The following SH3BGRL2 variants were observed in gnomAD, a reference collection of about 807,000 sequenced individuals.
SH3BGRL2 encodes SH3 domain binding glutamate rich protein like 2, also known as SH3 domain-binding glutamic acid-rich-like protein 2.
In SH3BGRL2, 21 loss-of-function variants were observed where a neutral mutation model predicts 14.8. The ratio of observed to expected loss-of-function variants is 1.42; its 90% CI spans 1.01 to 2.05. SH3BGRL2 has a LOEUF of 2.05. Among genes scored for constraint, SH3BGRL2 ranks in the 30% most tolerant of loss-of-function variants. The probability of loss-of-function intolerance (pLI) is 0.00; values close to 1 mark genes in which losing one functional copy is unlikely to be tolerated. For synonymous variants in SH3BGRL2, 50 were observed against 47.8 expected (o/e 1.05, Z -0.19); for missense variants, 147 against 130.8 (o/e 1.12, Z -0.61).
chr6:79,553,829 G>A, the SH3BGRL2 span, among the ~76,000 whole-genome samples: 1 of 151,974 alleles, frequency 6.6e-6, no homozygotes, highest in African/African-American at 2.4e-5. Context: ...AAAAATTAGC[G>A]TGGTGGCACA....
At chr6:79,669,700 C>T (rs1236045155) in intron 1 of SH3BGRL2, among the ~76,000 whole-genome samples, 1 of 152,154 alleles carries the variant, frequency 6.6e-6, no homozygotes, top group Admixed American at 6.5e-5. Context: ...CCACCTCAGA[C>T]TCCCAAAGTG....
At chr6:79,661,959 C>CTTTTTTA (rs1554202975) in intron 1 of SH3BGRL2, among the ~76,000 whole-genome samples, 9 of 152,180 alleles carry the variant, frequency 5.9e-5, no homozygotes, top group Middle Eastern at 3.4e-3. Context: ...GCAGCCCCCG[C>CTTTTTTA]TTTTTTATTT....
intron 1 of SH3BGRL2, among the ~76,000 whole-genome samples, chr6:79,637,989 GT>G (rs748091838): frequency 6.6e-6 from 1 of 152,038 alleles, no homozygotes; most frequent in Admixed American, 6.6e-5. Context: ...AGAATTAGAA[GT>G]TTTTTTAACT....
intron 1 of SH3BGRL2, among the ~76,000 whole-genome samples, chr6:79,645,149 C>T (rs1420323239): frequency 9.3e-5 from 10 of 108,082 alleles, no homozygotes; most frequent in Non-Finnish European, 1.3e-4. Context: ...AGTGAGAGTC[C>T]GTCTCAAAAA....
At chr6:79,644,648 A>G (rs12199165) in intron 1 of SH3BGRL2, among the ~76,000 whole-genome samples, 46,146 of 151,970 alleles carry the variant, frequency 0.3, 7,290 homozygotes, top group South Asian at 0.44. Flanking sequence ...TATGGATCTG[A>G]TACTCTAATG....
At chr6:79,545,860 A>AAAC in the SH3BGRL2 span, among the ~76,000 whole-genome samples, 3 of 152,180 alleles carry the variant, frequency 2.0e-5, no homozygotes, top group Non-Finnish European at 2.9e-5. Context: ...TTGTTTTTTT[A>AAAC]AACAACAACA....
At chr6:79,594,134 A>T in the SH3BGRL2 span, among the ~76,000 whole-genome samples, 1 of 152,154 alleles carries the variant, frequency 6.6e-6, no homozygotes, top group Non-Finnish European at 1.5e-5. Context: ...TATTAACAGA[A>T]ATAATAAATA....
chr6:79,627,654 A>T (rs1768759056), upstream of SH3BGRL2, among the ~76,000 whole-genome samples: 1 of 152,204 alleles, frequency 6.6e-6, no homozygotes, highest in Non-Finnish European at 1.5e-5. Flanking sequence ...CTGTGACAGC[A>T]TACTCTTTCA....
intron 1 of SH3BGRL2, among the ~76,000 whole-genome samples, chr6:79,665,256 C>T (rs966643831): frequency 1.3e-5 from 2 of 152,162 alleles, no homozygotes; most frequent in African/African-American, 4.8e-5. Flanking sequence ...TTACAACACA[C>T]CTAAATCTCC....
intron 1 of SH3BGRL2, among the ~76,000 whole-genome samples, chr6:79,645,742 A>G (rs1769130512): frequency 6.6e-6 from 1 of 152,200 alleles, no homozygotes; most frequent in Non-Finnish European, 1.5e-5. Context: ...AATGGTTATT[A>G]GTTGTTTGCT....
the SH3BGRL2 span, among the ~76,000 whole-genome samples, chr6:79,616,343 C>G: frequency 6.6e-6 from 1 of 151,974 alleles, no homozygotes; most frequent in Non-Finnish European, 1.5e-5. Context: ...TAATACGTGC[C>G]CATATGAGGT....
At chr6:79,644,482 T>C (rs1203694933) in intron 1 of SH3BGRL2, among the ~76,000 whole-genome samples, 1 of 152,202 alleles carries the variant, frequency 6.6e-6, no homozygotes. Flanking sequence ...TTGTGCTTTG[T>C]TTATTGTCAA....
At chr6:79,643,755 A>T (rs1423474097) in intron 1 of SH3BGRL2, among the ~76,000 whole-genome samples, 1 of 152,194 alleles carries the variant, frequency 6.6e-6, no homozygotes. Context: ...TGAGATAGCC[A>T]GATCTGTACC....
the SH3BGRL2 span, among the ~76,000 whole-genome samples, chr6:79,548,076 C>G: frequency 6.6e-6 from 1 of 152,026 alleles, no homozygotes; most frequent in African/African-American, 2.4e-5. Context: ...ACTATGTTGC[C>G]TAGGCTGGCC....
At chr6:79,539,047 C>A in the SH3BGRL2 span, among the ~76,000 whole-genome samples, 11 of 152,120 alleles carry the variant, frequency 7.2e-5, no homozygotes, top group Admixed American at 2.0e-4. Context: ...ATTTAAGACG[C>A]TGGGAGAATC....
intron 1 of SH3BGRL2, among the ~76,000 whole-genome samples, chr6:79,651,599 A>G (rs1162912268): frequency 1.7e-5 from 2 of 117,106 alleles, no homozygotes; most frequent in Non-Finnish European, 2.1e-5. Context: ...GCATTACATC[A>G]AACGGGAATA....
chr6:79,702,214 C>T lies in SH3BGRL2; in HGVS notation c.*2705C>T, dbSNP rs1016753028. On this transcript the variant is annotated 3_prime_UTR_variant, in exon 4 of 4. Coordinates refer to ENST00000369838, the MANE Select transcript of SH3BGRL2 (RefSeq NM_031469.4). ...TCTGTTTTATAGATTTAATTCAATA[C>T]CTCCACATAGATGTTTTTATATTAC... The T allele has an allele frequency of 2.0e-5, 3 of 152,532 alleles. No individual in the cohort carries two copies. The highest frequency in any genetic ancestry group is 7.2e-5 in the African/African-American group (3 of 41,404). 9.4% of individuals were successfully genotyped at this position (152,532 alleles called of 1,614,324 possible). A position where few individuals can be genotyped will look rare whatever the true frequency, so the allele number is the denominator to read the frequency against.
chr6:79,694,424 A>G lies in SH3BGRL2; in HGVS notation c.232-2061A>G, dbSNP rs1367585850. 3.9e-5 allele frequency among the ~76,000 whole-genome samples: 6 copies of G among 152,228 alleles called. No individual in the cohort carries two copies. The East Asian group carries it at 1.2e-3, about 29-fold the overall frequency. On this transcript the variant is annotated intron_variant, in intron 2 of 3. Coordinates refer to ENST00000369838, the MANE Select transcript of SH3BGRL2 (RefSeq NM_031469.4). ...AACTCTTTGGAAATAGCTTCATTAC[A>G]AAGAATGTAACATTTTCAGTCCATG... is the stretch of plus-strand genomic sequence containing the variant.
chr6:79,619,497 C>A, the SH3BGRL2 span, among the ~76,000 whole-genome samples: 1 of 152,136 alleles, frequency 6.6e-6, no homozygotes, highest in Non-Finnish European at 1.5e-5. Flanking sequence ...TTCTTACTTG[C>A]CCTTGTTGCC....
Sources: allele counts gnomAD v4.1 joint callset (sites outside exome capture counted in the v4.1 genomes callset), GRCh38; gene constraint gnomAD v4.1.1; transcripts MANE v1.5; gene names NCBI Gene and HGNC (gene_info 2026-07-23, HGNC 2026-07-21).